The following ADAMTSL1 variants were observed in gnomAD, a reference collection of about 807,000 sequenced individuals.
The protein encoded by ADAMTSL1 is ADAMTS like 1.
A neutral mutation model predicts 201.8 loss-of-function variants in ADAMTSL1; 126 were observed. The ratio of observed to expected loss-of-function variants is 0.62; its 90% confidence interval spans 0.54 to 0.72. The LOEUF is 0.72. ADAMTSL1 is among the 30% of genes least tolerant of loss of function. The pLI, the probability that ADAMTSL1 is intolerant of heterozygous loss-of-function variation, is 0.00. For synonymous variants in ADAMTSL1, 1,121 were observed against 903.4 expected, an observed-to-expected ratio of 1.24 and a Z score of -4.32; for missense variants, 2,679 against 2,277.8, an observed-to-expected ratio of 1.18 and a Z score of -3.59.
intron 2 of ADAMTSL1, among the ~76,000 whole-genome samples, chr9:18,439,187 A>G (rs1434831061): frequency 1.3e-5 from 2 of 151,860 alleles, no homozygotes; most frequent in African/African-American, 4.8e-5. Context: ...GTCCCTCATC[A>G]TGGTCTAGAA....
chr9:18,399,328 T>TATATATAC (rs1491459278), intron 2 of ADAMTSL1, among the ~76,000 whole-genome samples: 18 of 107,724 alleles, frequency 1.7e-4, no homozygotes, highest in Non-Finnish European at 2.9e-4. Flanking sequence ...TATATATATA[T>TATATATAC]AAAATTATTA....
intron 23 of ADAMTSL1, among the ~76,000 whole-genome samples, chr9:18,843,018 C>T (rs930129329): frequency 2.0e-5 from 3 of 152,044 alleles, no homozygotes; most frequent in African/African-American, 4.8e-5. Context: ...TTAATTGGAG[C>T]ATTTAGTCCA....
intron 4 of ADAMTSL1, among the ~76,000 whole-genome samples, chr9:18,609,760 CTA>C (rs1309852126): frequency 6.6e-6 from 1 of 152,102 alleles, no homozygotes; most frequent in Non-Finnish European, 1.5e-5. Flanking sequence ...ATTCTGGAGA[CTA>C]TGAAATAGAA....
At chr9:18,240,172 A>G (rs1182359119) in intron 2 of ADAMTSL1, among the ~76,000 whole-genome samples, 4 of 152,198 alleles carry the variant, frequency 2.6e-5, no homozygotes, top group Non-Finnish European at 5.9e-5. Context: ...GACAAAATGC[A>G]TCTCTTAAAT....
intron 2 of ADAMTSL1, among the ~76,000 whole-genome samples, chr9:18,262,265 G>T (rs1443664556): frequency 6.6e-6 from 1 of 152,144 alleles, no homozygotes; most frequent in African/African-American, 2.4e-5. Context: ...GGGTGGTGGA[G>T]ACTGTGGCAA....
chr9:18,525,953 A>G (rs369727906), intron 2 of ADAMTSL1, among the ~76,000 whole-genome samples: 1 of 152,226 alleles, frequency 6.6e-6, no homozygotes, highest in African/African-American at 2.4e-5. Flanking sequence ...GTAGATGTCT[A>G]TTAGATCCAC....
intron 1 of ADAMTSL1, among the ~76,000 whole-genome samples, chr9:17,929,297 T>C (rs926107846): frequency 6.6e-6 from 1 of 152,054 alleles, no homozygotes; most frequent in Non-Finnish European, 1.5e-5. Context: ...AAAGCTTTTT[T>C]AGACATTTTA....
intron 2 of ADAMTSL1, among the ~76,000 whole-genome samples, chr9:18,450,094 C>T (rs1156547649): frequency 6.6e-6 from 1 of 152,106 alleles, no homozygotes; most frequent in Non-Finnish European, 1.5e-5. Context: ...TAGATTTATT[C>T]ATAATCACCA....
chr9:17,972,598 G>C (rs10963366), intron 1 of ADAMTSL1, among the ~76,000 whole-genome samples: 1 of 151,680 alleles, frequency 6.6e-6, no homozygotes, highest in South Asian at 2.1e-4. Flanking sequence ...AGTCTTTGCT[G>C]TTGTGAATAG....
intron 2 of ADAMTSL1, among the ~76,000 whole-genome samples, chr9:18,516,576 A>C (rs1818377098): frequency 6.6e-6 from 1 of 152,158 alleles, no homozygotes; most frequent in Non-Finnish European, 1.5e-5. Flanking sequence ...TACTTTGTGG[A>C]TTATTACTTC....
At chr9:18,878,441 A>G (rs559921176) in intron 23 of ADAMTSL1, among the ~76,000 whole-genome samples, 2 of 152,360 alleles carry the variant, frequency 1.3e-5, no homozygotes, top group South Asian at 4.1e-4. Context: ...TGGCTTCCCC[A>G]GGAACTGAGA....
rs754623464 is a variant in ADAMTSL1 at position 18,888,004 on chromosome 9, G to C, written c.4423G>C (p.Ala1475Pro). 6 of 1,613,820 alleles carry C rather than the reference G, an allele frequency of 3.7e-6. No individual in the cohort carries two copies. Among genetic ancestry groups the C allele is most frequent in the African/African-American group, 1.3e-5 (1 of 75,022 alleles). ...GEFSCLAQNE[A>P]GVLMQKASLV... is the part of the protein sequence containing the mutation. The stretch of plus-strand genomic sequence containing the variant: ...ATTCAGCTGCCTTGCTCAGAATGAG[G>C]CAGGGGTGCTCATGCAGAAGGCATC... Residue 1475 changes from alanine (A) to proline (P), a missense_variant, in exon 24 of 29, where the codon GCA becomes CCA. Ala to Pro is a conservative substitution (Grantham distance 27, BLOSUM62 -1). Coordinates refer to ENST00000380548, the MANE Select transcript of ADAMTSL1 (RefSeq NM_001040272.6).
At chr9:18,725,633 A>G (rs1817841728) in intron 15 of ADAMTSL1, among the ~76,000 whole-genome samples, 1 of 152,204 alleles carries the variant, frequency 6.6e-6, no homozygotes, top group Non-Finnish European at 1.5e-5. Flanking sequence ...TGTTATAATT[A>G]TACAAGGAAT....
chr9:18,671,453 C>G (rs1829804900), intron 9 of ADAMTSL1, among the ~76,000 whole-genome samples: 1 of 152,142 alleles, frequency 6.6e-6, no homozygotes, highest in Admixed American at 6.6e-5. Flanking sequence ...ATCTACTTGG[C>G]AAACATTGCT....
intron 1 of ADAMTSL1, among the ~76,000 whole-genome samples, chr9:18,086,018 A>C (rs909039376): frequency 6.6e-6 from 1 of 152,248 alleles, no homozygotes; most frequent in East Asian, 1.9e-4. Flanking sequence ...ATGAGGTGTA[A>C]GAGTCGAGGA....
chr9:18,034,186 A>G (rs1369563862), intron 1 of ADAMTSL1, among the ~76,000 whole-genome samples: 2 of 152,186 alleles, frequency 1.3e-5, no homozygotes, highest in Non-Finnish European at 2.9e-5. Flanking sequence ...TTGACTTAAC[A>G]CTTTTTCTCA....
Position 18,504,969 on chromosome 9 carries a change from C to A in ADAMTSL1, c.191+13C>A. On this transcript the variant is annotated intron_variant, in intron 2 of 28. Transcript: ENST00000380548. ...GCCTGAGCAGCAAGTAAGTCCTGCA[C>A]CCGTTGGGGGTCTTTGTGAGAACCA... The A allele has an allele frequency of 6.2e-7, 1 of 1,601,420 alleles. No homozygotes were observed.
intron 2 of ADAMTSL1, among the ~76,000 whole-genome samples, chr9:18,257,504 A>G (rs1831734294): frequency 1.3e-5 from 2 of 152,362 alleles, no homozygotes; most frequent in Middle Eastern, 6.8e-3. Flanking sequence ...TTCCAAAATA[A>G]TAATAATAAC....
At chr9:18,128,516 G>T (rs1825827961) in intron 1 of ADAMTSL1, among the ~76,000 whole-genome samples, 1 of 151,966 alleles carries the variant, frequency 6.6e-6, no homozygotes, top group Admixed American at 6.6e-5. Flanking sequence ...GAACCATTTT[G>T]CCCAGGCTGG....
Sources: allele counts gnomAD v4.1 joint callset (sites outside exome capture counted in the v4.1 genomes callset), GRCh38; gene constraint gnomAD v4.1.1; transcripts MANE v1.5; gene names NCBI Gene and HGNC (gene_info 2026-07-23, HGNC 2026-07-21).